The following CRISP2 variants were observed in gnomAD, a reference collection of about 807,000 sequenced individuals.
CRISP2 encodes cysteine rich secretory protein 2.
A neutral mutation model predicts 31.7 loss-of-function variants in CRISP2; 29 were observed. The ratio of observed to expected loss-of-function variants is 0.92; its 90% confidence interval spans 0.68 to 1.25. CRISP2 has a LOEUF of 1.25. Ranked by LOEUF, CRISP2 falls within the 50% of genes most tolerant of loss-of-function variation. The probability of loss-of-function intolerance (pLI) is 0.00; values close to 1 mark genes in which losing one functional copy is unlikely to be tolerated. For missense variants in CRISP2, 318 were observed against 286.5 expected (o/e 1.11, Z -0.79); for synonymous variants, 111 against 101.4 (o/e 1.09, Z -0.57).
At chr6:49,686,337 T>A in the CRISP2 span, among the ~76,000 whole-genome samples, 1 of 152,214 alleles carries the variant, frequency 6.6e-6, no homozygotes, top group Non-Finnish European at 1.5e-5. Flanking sequence ...ACATATGTAT[T>A]TTCATATTCT....
chr6:49,691,840 A>T (rs571967525), downstream of CRISP2, among the ~76,000 whole-genome samples: 71 of 152,192 alleles, frequency 4.7e-4, no homozygotes, highest in African/African-American at 1.7e-3. Flanking sequence ...GATTCAGATA[A>T]TCTGTTTAAT....
the CRISP2 span, among the ~76,000 whole-genome samples, chr6:49,679,723 T>A: frequency 6.6e-6 from 1 of 152,132 alleles, no homozygotes; most frequent in African/African-American, 2.4e-5. Context: ...TATTTATTTT[T>A]GAGACGGAGT....
intron 4 of CRISP2, among the ~76,000 whole-genome samples, chr6:49,707,242 G>C (rs1012103904): frequency 6.6e-6 from 1 of 152,144 alleles, no homozygotes; most frequent in African/African-American, 2.4e-5. Context: ...CGTGACATAA[G>C]TAAAAATTAC....
At chr6:49,702,462 C>T (rs954506874) in intron 4 of CRISP2, among the ~76,000 whole-genome samples, 10 of 151,498 alleles carry the variant, frequency 6.6e-5, no homozygotes, top group Admixed American at 1.3e-4. Flanking sequence ...ACATCCACAC[C>T]GGTATCTATT....
At chr6:49,704,456 T>C (rs1008206985) in intron 4 of CRISP2, among the ~76,000 whole-genome samples, 1 of 152,164 alleles carries the variant, frequency 6.6e-6, no homozygotes, top group African/African-American at 2.4e-5. Context: ...AGAATTTTTT[T>C]CTGGTTCCTT....
Position 49,703,345 on chromosome 6 carries a change from G to A in CRISP2, c.67-2561C>T, listed in dbSNP as rs563632943. Reference sequence around the variant, plus strand: ...ATCAATTTTAGAATTGTATTTTCTAGTTCTTTGAAAAATGATGATGGTATT... The same window carrying A: ...ATCAATTTTAGAATTGTATTTTCTAATTCTTTGAAAAATGATGATGGTATT... On this transcript the variant is annotated intron_variant, in intron 4 of 9. Transcript: ENST00000339139. Among the ~76,000 whole-genome samples, 21 of 151,862 alleles carry A rather than the reference G, an allele frequency of 1.4e-4. No homozygotes were observed. In the South Asian group the frequency reaches 2.1e-3, roughly 15 times the overall value.
downstream of CRISP2, among the ~76,000 whole-genome samples, chr6:49,687,764 C>T (rs1431284488): frequency 1.3e-5 from 2 of 152,156 alleles, no homozygotes; most frequent in African/African-American, 2.4e-5. Context: ...CACGATCACA[C>T]AACGTGGGTT....
At chr6:49,687,865 A>G (rs1763933360), downstream of CRISP2, among the ~76,000 whole-genome samples, 1 of 152,180 alleles carries the variant, frequency 6.6e-6, no homozygotes, top group Non-Finnish European at 1.5e-5. Context: ...GGATTGGGGC[A>G]GGCTTGGGGG....
chr6:49,683,679 AAAAAAAAAAAAAAAAAT>A, the CRISP2 span, among the ~76,000 whole-genome samples: 6 of 47,688 alleles, frequency 1.3e-4, no homozygotes, highest in African/African-American at 4.1e-4. Flanking sequence ...AAAAAAAAAA[AAAAAAAAAAAAAAAAAT>A]ATATATATAT....
intron 4 of CRISP2, among the ~76,000 whole-genome samples, chr6:49,702,065 A>G (rs1481546226): frequency 8.5e-6 from 1 of 117,458 alleles, no homozygotes; most frequent in African/African-American, 3.2e-5. Flanking sequence ...ATATGTATAC[A>G]TTAATATAAT....
intron 9 of CRISP2, 106 bp downstream of exon 9, chr6:49,695,730 A>G (rs978501335): frequency 1.8e-5 from 17 of 953,934 alleles, no homozygotes; most frequent in Middle Eastern, 3.0e-4. Flanking sequence ...TTTTTCACCA[A>G]TACATTATTT....
intron 4 of CRISP2, among the ~76,000 whole-genome samples, chr6:49,704,421 T>C (rs1446924463): frequency 2.0e-5 from 3 of 152,156 alleles, no homozygotes; most frequent in Non-Finnish European, 2.9e-5. Context: ...GGGGATGTTA[T>C]AGAACGTTGT....
Position 49,702,209 on chromosome 6 carries a change from T to C in CRISP2, c.67-1425A>G, listed in dbSNP as rs373409339. 1.1e-4 allele frequency among the ~76,000 whole-genome samples: 15 copies of C among 133,996 alleles called. No homozygotes were observed. The East Asian group carries it at 2.8e-3, about 25-fold the overall frequency. 87.9% of individuals were successfully genotyped at this position (133,996 alleles called of 152,430 possible). A position where few individuals can be genotyped will look rare whatever the true frequency, so the allele number is the denominator to read the frequency against. ...ACATTTTCTTTATCCACTCATTGAT[T>C]AATGGGCACTCGGGCTGGTTCTATA... On this transcript the variant is annotated intron_variant, in intron 4 of 9. Coordinates refer to ENST00000339139, the MANE Select transcript of CRISP2 (RefSeq NM_003296.4).
intron 4 of CRISP2, among the ~76,000 whole-genome samples, chr6:49,702,109 T>A (rs1399883068): frequency 2.2e-5 from 1 of 45,130 alleles, no homozygotes; most frequent in Non-Finnish European, 3.8e-5. Context: ...ATATGTATAC[T>A]TATATATGTA....
Position 49,692,688 on chromosome 6 carries a change from A to C in CRISP2, c.*85T>G. 32 of 1,319,262 alleles carry C rather than the reference A, an allele frequency of 2.4e-5. No individual in the cohort carries two copies. The highest frequency in any genetic ancestry group is 3.3e-5 in the Non-Finnish European group (32 of 970,520). The allele number at this position is 1,319,262 out of a possible 1,614,324, so 81.7% of individuals were successfully genotyped here. A position where few individuals can be genotyped will look rare whatever the true frequency, so the allele number is the denominator to read the frequency against. On this transcript the variant is annotated 3_prime_UTR_variant, in exon 10 of 10. Transcript: ENST00000339139. ...CTCTTTGAAATCAAATTTGTCACTA[A>C]CATACATACAATTTCCACTGGTATG...
chr6:49,683,862 G>C, the CRISP2 span, among the ~76,000 whole-genome samples: 1 of 150,498 alleles, frequency 6.6e-6, no homozygotes, highest in Non-Finnish European at 1.5e-5. Context: ...ATCTACCTAA[G>C]AGCTTTATAT....
intron 4 of CRISP2, among the ~76,000 whole-genome samples, chr6:49,703,708 C>T (rs894615658): frequency 5.3e-5 from 8 of 152,146 alleles, no homozygotes; most frequent in African/African-American, 1.9e-4. Flanking sequence ...TACAGGATTT[C>T]TGCAGATAAA....
chr6:49,689,087 A>G (rs1393165260), downstream of CRISP2, among the ~76,000 whole-genome samples: 1 of 151,972 alleles, frequency 6.6e-6, no homozygotes, highest in Admixed American at 6.6e-5. Flanking sequence ...GATCAGGCTG[A>G]CCTGATCCTG....
intron 4 of CRISP2, 80 bp downstream of exon 4, chr6:49,709,050 AC>A: frequency 8.4e-7 from 1 of 1,188,472 alleles, no homozygotes; most frequent in Non-Finnish European, 1.3e-6. Context: ...AAACTCTCTT[AC>A]CCCCCTTTAC....
Sources: allele counts gnomAD v4.1 joint callset (sites outside exome capture counted in the v4.1 genomes callset), GRCh38; gene constraint gnomAD v4.1.1; transcripts MANE v1.5; gene names NCBI Gene and HGNC (gene_info 2026-07-23, HGNC 2026-07-21).